TUSC3: variants seen among roughly 807,000 people sequenced by gnomAD.
The protein encoded by TUSC3 is tumor suppressor candidate 3.
A neutral mutation model predicts 44.8 loss-of-function variants in TUSC3; 45 were observed. The ratio of observed to expected loss-of-function variants is 1.00; its 90% CI spans 0.79 to 1.29. The LOEUF (loss-of-function observed/expected upper bound fraction) is 1.29. Ranked by LOEUF, TUSC3 falls within the 50% of genes most tolerant of loss-of-function variation. The probability of loss-of-function intolerance (pLI) is 0.00; values close to 1 mark genes in which losing one functional copy is unlikely to be tolerated. For synonymous variants in TUSC3, 212 were observed against 152.9 expected (o/e 1.39, Z -2.85); for missense variants, 519 against 437.9 (o/e 1.19, Z -1.65).
intron 6 of TUSC3, among the ~76,000 whole-genome samples, chr8:15,683,318 C>T (rs1463686968): frequency 1.3e-5 from 2 of 152,238 alleles, no homozygotes; most frequent in African/African-American, 4.8e-5. Context: ...TCTCTTATTT[C>T]TCAGAGGCTT....
In TUSC3 at chr8:15,435,621, T is replaced by C. The variant is rs576293306; in HGVS notation, n.91+18316T>C. Among the ~76,000 whole-genome samples the C allele has an allele frequency of 2.2e-3, 329 of 152,278 alleles. 1 individual carries two copies. Among genetic ancestry groups the C allele is most frequent in the Non-Finnish European group, 3.9e-3 (263 of 68,022 alleles). ...AGAGGTACCTGGTGCCTAAAACATA[T>C]GCAAGATTTTATTAAAATGTATGTA... On this transcript the variant is annotated intron_variant and non_coding_transcript_variant, in intron 1 of 5. Coordinates refer to the TUSC3 transcript ENST00000503191.
In TUSC3 at chr8:15,475,056, A is replaced by G. The variant is rs543818691; in HGVS notation, n.92-8330A>G. Among the ~76,000 whole-genome samples, 12 of 152,278 alleles carry G rather than the reference A, an allele frequency of 7.9e-5. No individual in the cohort carries two copies. In the South Asian group the frequency reaches 1.5e-3, roughly 18 times the overall value. Reference sequence around the variant, plus strand: ...GGCCAATTGCTATAATTCAACTACAATATTTATAGGCGCCCCCTTTATACA... The same window carrying G: ...GGCCAATTGCTATAATTCAACTACAGTATTTATAGGCGCCCCCTTTATACA... On this transcript the variant is annotated intron_variant and non_coding_transcript_variant, in intron 1 of 5. Coordinates refer to the TUSC3 transcript ENST00000503191.
At chr8:15,497,139 T>G (rs199636575) in intron 2 of TUSC3, among the ~76,000 whole-genome samples, 1 of 152,238 alleles carries the variant, frequency 6.6e-6, no homozygotes, top group East Asian at 1.9e-4. Context: ...GGTATGGTGG[T>G]TGTCGTTTCA....
At chr8:15,737,331 T>C (rs916037801) in intron 7 of TUSC3, among the ~76,000 whole-genome samples, 3 of 152,156 alleles carry the variant, frequency 2.0e-5, no homozygotes, top group Non-Finnish European at 2.9e-5. Flanking sequence ...GTAGCAACAG[T>C]AAACTTAGCA....
intron 6 of TUSC3, among the ~76,000 whole-genome samples, chr8:15,676,236 G>A (rs1044921193): frequency 6.6e-6 from 1 of 152,088 alleles, no homozygotes; most frequent in Non-Finnish European, 1.5e-5. Flanking sequence ...GATGTGTGGA[G>A]CATCTTTGCA....
At chr8:15,689,863 T>A (rs367705966) in intron 6 of TUSC3, among the ~76,000 whole-genome samples, 345 of 14,798 alleles carry the variant, frequency 0.023, 2 homozygotes, top group Admixed American at 0.044. Context: ...TGTGTGTGTG[T>A]ATAAATATAT....
chr8:15,633,605 A>G (rs1056965832), intron 2 of TUSC3, among the ~76,000 whole-genome samples: 1 of 152,128 alleles, frequency 6.6e-6, no homozygotes, highest in Non-Finnish European at 1.5e-5. Flanking sequence ...ACTAAATTCT[A>G]TTTTATTGCA....
chr8:15,829,197 C>T, the TUSC3 span, among the ~76,000 whole-genome samples: 15 of 151,262 alleles, frequency 9.9e-5, no homozygotes, highest in Admixed American at 9.2e-4. Flanking sequence ...CATTAAATTA[C>T]ATTTGTTTCT....
chr8:15,779,995 CAT>C, the TUSC3 span, among the ~76,000 whole-genome samples: 3 of 152,156 alleles, frequency 2.0e-5, no homozygotes, highest in African/African-American at 7.2e-5. Flanking sequence ...GAAAGTGAAA[CAT>C]AATTTGAATT....
the TUSC3 span, among the ~76,000 whole-genome samples, chr8:15,843,719 G>A: frequency 6.6e-6 from 1 of 150,956 alleles, no homozygotes. Flanking sequence ...AGATGTATAT[G>A]TATGTGTGTG....
At chr8:15,689,031 G>A (rs910019517) in intron 6 of TUSC3, 3 of 302,982 alleles carry the variant, frequency 9.9e-6, no homozygotes, top group Non-Finnish European at 2.0e-5. Flanking sequence ...TTACCACCCA[G>A]TGCAGGGGGA....
chr8:15,438,118 C>T (rs560455358), intron 1 of TUSC3, among the ~76,000 whole-genome samples: 35 of 152,090 alleles, frequency 2.3e-4, no homozygotes, highest in South Asian at 6.2e-4. Context: ...TTTTTTGAGA[C>T]GGAGTTTCAC....
At chr8:15,656,242 A>G (rs1233346059) in intron 3 of TUSC3, among the ~76,000 whole-genome samples, 1 of 152,146 alleles carries the variant, frequency 6.6e-6, no homozygotes, top group Non-Finnish European at 1.5e-5. Flanking sequence ...AACTCATTCT[A>G]GTACCAACTC....
chr8:15,470,078 A>G (rs1228844497), intron 1 of TUSC3, among the ~76,000 whole-genome samples: 2 of 151,444 alleles, frequency 1.3e-5, no homozygotes, highest in Admixed American at 6.6e-5. Context: ...AAACATAGGA[A>G]AACCTCGTCC....
chr8:15,545,096 T>C (rs12543002), intron 1 of TUSC3, among the ~76,000 whole-genome samples: 31,283 of 151,600 alleles, frequency 0.21, 3,752 homozygotes, highest in East Asian at 0.35. Context: ...AACAAGGAAA[T>C]TAAAATTCAG....
At chr8:15,630,474 A>T (rs1026028947) in intron 2 of TUSC3, among the ~76,000 whole-genome samples, 2 of 151,050 alleles carry the variant, frequency 1.3e-5, no homozygotes, top group Admixed American at 6.6e-5. Context: ...ATGTCATGTG[A>T]TTCTCATTAT....
intron 6 of TUSC3, among the ~76,000 whole-genome samples, chr8:15,715,705 A>G (rs1810029569): frequency 2.0e-5 from 3 of 152,148 alleles, no homozygotes; most frequent in South Asian, 4.1e-4. Flanking sequence ...AACAGAAAAA[A>G]AAAAATTATT....
chr8:15,692,035 C>G (rs369534168), intron 6 of TUSC3, among the ~76,000 whole-genome samples: 408 of 152,244 alleles, frequency 2.7e-3, no homozygotes, highest in African/African-American at 9.1e-3. Flanking sequence ...CCCACCACGG[C>G]TTCCCAAAGT....
intron 1 of TUSC3, among the ~76,000 whole-genome samples, chr8:15,610,404 T>G (rs977169143): frequency 1.3e-5 from 2 of 152,196 alleles, no homozygotes; most frequent in Admixed American, 1.3e-4. Context: ...TCTGGTATTT[T>G]CAATGTAGAA....
Sources: gnomAD v4.1 joint callset for allele counts (sites outside exome capture counted in the v4.1 genomes callset) on GRCh38, gnomAD v4.1.1 for gene constraint, MANE v1.5 for transcripts, NCBI Gene and HGNC (gene_info 2026-07-23, HGNC 2026-07-21) for gene names.